The following NUDCD1 variants were observed in gnomAD, a reference collection of about 807,000 sequenced individuals.
NUDCD1 encodes nudC domain-containing protein 1.
Under a neutral mutation model 67.8 loss-of-function variants are expected in NUDCD1, and 60 were observed. The ratio of observed to expected loss-of-function variants is 0.88; its 90% CI spans 0.72 to 1.10. NUDCD1 has a LOEUF of 1.10. Ranked by LOEUF, NUDCD1 falls within the 50% of genes least tolerant of loss-of-function variation. The pLI is 0.00. For missense variants in NUDCD1, 643 were observed against 695.0 expected, an observed-to-expected ratio of 0.93 and a Z score of 0.84; for synonymous variants, 244 against 230.8, an observed-to-expected ratio of 1.06 and a Z score of -0.52.
chr8:109,288,605 T>A (rs1346930646), intron 5 of NUDCD1, among the ~76,000 whole-genome samples: 1 of 152,176 alleles, frequency 6.6e-6, no homozygotes, highest in East Asian at 1.9e-4. Flanking sequence ...TGGAAAATAT[T>A]TTTCAATTAT....
chr8:109,280,868 C>CA, intron 6 of NUDCD1, 100 bp downstream of exon 6: 1 of 539,840 alleles, frequency 1.9e-6, no homozygotes, highest in Non-Finnish European at 3.2e-6. Flanking sequence ...GCAATACAGA[C>CA]AGAACTATTG....
chr8:109,298,298 G>C (rs982902355), intron 2 of NUDCD1, among the ~76,000 whole-genome samples: 1 of 152,082 alleles, frequency 6.6e-6, no homozygotes, highest in Non-Finnish European at 1.5e-5. Flanking sequence ...AGAGAACAGA[G>C]ACTATCAATT....
intron 5 of NUDCD1, 99 bp downstream of exon 5, chr8:109,289,652 A>G (rs538228924): frequency 1.6e-6 from 1 of 609,504 alleles, no homozygotes; most frequent in African/African-American, 2.0e-5. Flanking sequence ...TTATGCATCT[A>G]TCTTGCCCTT....
At chr8:109,324,998 G>A (rs1211925389) in intron 1 of NUDCD1, among the ~76,000 whole-genome samples, 7 of 152,046 alleles carry the variant, frequency 4.6e-5, no homozygotes, top group African/African-American at 9.7e-5. Flanking sequence ...GCTGAGGCAC[G>A]AGAATCGCTT....
At chr8:109,293,279 C>T in intron 4 of NUDCD1, 65 bp downstream of exon 4, 5 of 844,092 alleles carry the variant, frequency 5.9e-6, no homozygotes, top group Non-Finnish European at 9.1e-6. Context: ...ACAGGGACAG[C>T]TTTGTGTTTC....
intron 8 of NUDCD1, among the ~76,000 whole-genome samples, chr8:109,270,078 G>GAGTGGCT (rs1423360799): frequency 2.4e-5 from 2 of 82,630 alleles, no homozygotes; most frequent in Non-Finnish European, 5.0e-5. Flanking sequence ...GGGGGGGGGG[G>GAGTGGCT]GGGGTGCCTT....
chr8:109,296,485 G>T lies in NUDCD1; in HGVS notation c.358C>A (p.His120Asn), dbSNP rs552530224. The T allele has an allele frequency of 5.3e-5, 85 of 1,613,202 alleles. 1 individual carries two copies. In the African/African-American group the frequency reaches 1.0e-3, roughly 19 times the overall value. Residue 120 changes from histidine (H) to asparagine (N), a missense_variant, in exon 3 of 10, where the codon CAT (histidine) becomes AAT (asparagine). Transcript: ENST00000239690. Reference protein sequence around the residue: ...ACDNRLCASIHFSSSTWVTLS... With the variant: ...ACDNRLCASINFSSSTWVTLS... ...GTAACCCAGGTAGAAGATGAGAAAT[G>T]GATAGATGCACAAAGACGGTTGTCA...
At chr8:109,257,418 C>T (rs1237051643) in intron 8 of NUDCD1, among the ~76,000 whole-genome samples, 1 of 152,034 alleles carries the variant, frequency 6.6e-6, no homozygotes, top group East Asian at 1.9e-4. Flanking sequence ...ACACTGACAA[C>T]TTCAAAAGGC....
intron 6 of NUDCD1, among the ~76,000 whole-genome samples, chr8:109,280,205 A>C (rs1326436790): frequency 6.6e-6 from 1 of 152,244 alleles, no homozygotes; most frequent in South Asian, 2.1e-4. Flanking sequence ...TGATGTCATA[A>C]AAGAGAATTT....
At chr8:109,265,166 C>T (rs1813965890) in intron 8 of NUDCD1, among the ~76,000 whole-genome samples, 2 of 151,930 alleles carry the variant, frequency 1.3e-5, no homozygotes, top group South Asian at 4.2e-4. Flanking sequence ...ATTTTAATTA[C>T]AAATGAATTG....
chr8:109,262,494 C>CA (rs1813883924), intron 8 of NUDCD1, among the ~76,000 whole-genome samples: 1 of 152,224 alleles, frequency 6.6e-6, no homozygotes, highest in South Asian at 2.1e-4. Context: ...AAACACTTGA[C>CA]AGAGACTTCT....
At chr8:109,304,438 G>A (rs1477903882) in intron 2 of NUDCD1, among the ~76,000 whole-genome samples, 2 of 152,144 alleles carry the variant, frequency 1.3e-5, no homozygotes, top group South Asian at 4.1e-4. Flanking sequence ...AGCAAAAGCA[G>A]GCTATGCTAT....
At chr8:109,321,448 AAAT>A (rs1815534843) in intron 2 of NUDCD1, among the ~76,000 whole-genome samples, 1 of 152,210 alleles carries the variant, frequency 6.6e-6, no homozygotes, top group African/African-American at 2.4e-5. Flanking sequence ...ACCATTTAAA[AAAT>A]AATAATACAA....
chr8:109,296,277 C>T, intron 3 of NUDCD1, 107 bp downstream of exon 3: 1 of 861,258 alleles, frequency 1.2e-6, no homozygotes, highest in Non-Finnish European at 1.9e-6. Flanking sequence ...ATCAAACAAA[C>T]AACAGATCAC....
chr8:109,282,953 T>G (rs889919093), intron 5 of NUDCD1, among the ~76,000 whole-genome samples: 4 of 151,092 alleles, frequency 2.6e-5, no homozygotes, highest in African/African-American at 9.7e-5. Context: ...TTAACCAAAA[T>G]AGACACTCAG....
intron 9 of NUDCD1, among the ~76,000 whole-genome samples, chr8:109,243,951 C>T (rs1448497878): frequency 1.3e-5 from 2 of 151,970 alleles, no homozygotes; most frequent in African/African-American, 4.8e-5. Flanking sequence ...GAAAAAAATC[C>T]TTATCTTAAT....
intron 5 of NUDCD1, among the ~76,000 whole-genome samples, chr8:109,284,819 G>C (rs1814536639): frequency 6.6e-6 from 1 of 150,668 alleles, no homozygotes; most frequent in African/African-American, 2.4e-5. Context: ...ACTAAAATCA[G>C]AGCAAAACTG....
chr8:109,322,489 A>C (rs1815566152), intron 1 of NUDCD1, 26 bp from the exon 2 acceptor site: 18 of 1,574,396 alleles, frequency 1.1e-5, no homozygotes, highest in Non-Finnish European at 1.5e-5. Context: ...AGCAAACATA[A>C]ACATCAAGAG....
At chr8:109,264,869 T>C (rs1331360714) in intron 8 of NUDCD1, among the ~76,000 whole-genome samples, 1 of 151,772 alleles carries the variant, frequency 6.6e-6, no homozygotes, top group Non-Finnish European at 1.5e-5. Flanking sequence ...TTTTTTACTC[T>C]GGAAAAGATC....
Sources: allele counts gnomAD v4.1 joint callset (sites outside exome capture counted in the v4.1 genomes callset), GRCh38; gene constraint gnomAD v4.1.1; transcripts MANE v1.5; gene names NCBI Gene and HGNC (gene_info 2026-07-23, HGNC 2026-07-21).